Variants in ERG observed in about 807,000 individuals in gnomAD.
The protein encoded by ERG is transcriptional regulator ERG.
Under a neutral mutation model 55.3 loss-of-function variants are expected in ERG, and 9 were observed. The observed-to-expected ratio is 0.16, with a 90% confidence interval of 0.10 to 0.28. The LOEUF is 0.28. Among genes scored for constraint, ERG ranks in the 10% least tolerant of loss-of-function variants. The pLI is 1.00. For missense variants in ERG, 434 were observed against 631.6 expected (o/e 0.69, Z 3.35); for synonymous variants, 223 against 237.3 (o/e 0.94, Z 0.55).
intron 1 of ERG, among the ~76,000 whole-genome samples, chr21:38,606,286 G>A (rs1389418828): frequency 7.9e-5 from 12 of 152,180 alleles, no homozygotes; most frequent in African/African-American, 2.4e-4. Flanking sequence ...ATGATTAGAT[G>A]TATAGATAGA....
intron 1 of ERG, chr21:38,472,141 C>T (rs1466331997): frequency 6.6e-6 from 1 of 151,878 alleles, no homozygotes; most frequent in Non-Finnish European, 1.5e-5. Flanking sequence ...TTTCCCAGAA[C>T]CTAGAACAAC....
intron 1 of ERG, among the ~76,000 whole-genome samples, chr21:38,594,660 TA>T (rs1190320002): frequency 6.6e-6 from 1 of 152,086 alleles, no homozygotes; most frequent in Non-Finnish European, 1.5e-5. Context: ...GAGAGGAAAA[TA>T]GGGCATTTCA....
At chr21:38,481,829 T>G (rs931133661) in intron 1 of ERG, among the ~76,000 whole-genome samples, 2 of 152,142 alleles carry the variant, frequency 1.3e-5, no homozygotes, top group Non-Finnish European at 2.9e-5. Flanking sequence ...GAGGTGACTG[T>G]AGTAACAAAA....
chr21:38,631,557 C>T (rs1011840406), intron 1 of ERG, among the ~76,000 whole-genome samples: 4 of 152,254 alleles, frequency 2.6e-5, no homozygotes, highest in Admixed American at 2.6e-4. Context: ...TAAGGGATGG[C>T]GTGGTCCCAA....
intron 1 of ERG, among the ~76,000 whole-genome samples, chr21:38,640,381 A>G (rs1423078716): frequency 1.3e-5 from 2 of 152,174 alleles, no homozygotes; most frequent in Admixed American, 6.5e-5. Context: ...ATTCTCATCT[A>G]CCTTAGGAGA....
At chr21:38,595,982 C>T (rs2836548) in intron 1 of ERG, among the ~76,000 whole-genome samples, 5,167 of 150,322 alleles carry the variant, frequency 0.034, 289 homozygotes, top group African/African-American at 0.12. Context: ...CTTTGCTGGC[C>T]TAGCCTTCTG....
chr21:38,628,561 G>A (rs766992946), intron 1 of ERG, among the ~76,000 whole-genome samples: 7 of 152,306 alleles, frequency 4.6e-5, no homozygotes, highest in Middle Eastern at 3.4e-3. Context: ...GCTACTGCGT[G>A]GAGAAAAGAG....
upstream of ERG, among the ~76,000 whole-genome samples, chr21:38,502,237 C>T (rs910990980): frequency 4.6e-5 from 7 of 152,176 alleles, no homozygotes; most frequent in Admixed American, 3.9e-4. Flanking sequence ...AAAATGATGT[C>T]GTAGATGAAC....
At position 38,382,628 on chromosome 21, in the gene ERG, A is replaced by G; in HGVS notation, c.*775T>C. ...CACAGTCCCCAAATGTCCTGAGTCC[A>G]GTCTTCATTGCTTGAGAAGTTTCTT... On this transcript the variant is annotated 3_prime_UTR_variant, in exon 10 of 10. Transcript: ENST00000288319. 1 of 1,066,550 alleles carries G rather than the reference A, an allele frequency of 9.4e-7. No homozygotes were observed. The highest frequency in any genetic ancestry group is 1.1e-6 in the Non-Finnish European group (1 of 879,812). The allele number at this position is 1,066,550 out of a possible 1,614,324, so 66.1% of individuals were successfully genotyped here.
chr21:38,447,054 C>T (rs780514418), intron 1 of ERG, among the ~76,000 whole-genome samples: 6 of 152,050 alleles, frequency 3.9e-5, no homozygotes, highest in Admixed American at 2.6e-4. Context: ...AGATGGAGAG[C>T]TTCCTCTCCA....
At chr21:38,390,672 C>T (rs796133421) in intron 9 of ERG, among the ~76,000 whole-genome samples, 1 of 152,194 alleles carries the variant, frequency 6.6e-6, no homozygotes, top group African/African-American at 2.4e-5. Flanking sequence ...AACCTGCCAC[C>T]ATGACACTCT....
At chr21:38,578,532 A>G (rs2060008861) in intron 1 of ERG, among the ~76,000 whole-genome samples, 1 of 152,188 alleles carries the variant, frequency 6.6e-6, no homozygotes, top group African/African-American at 2.4e-5. Context: ...GACAGATCCT[A>G]GCTGAAGCCT....
intron 1 of ERG, among the ~76,000 whole-genome samples, chr21:38,622,885 T>C (rs1027904355): frequency 1.4e-5 from 2 of 145,056 alleles, no homozygotes; most frequent in African/African-American, 5.2e-5. Flanking sequence ...CATGATCATA[T>C]ATACCACACA....
rs367615583 is a variant in ERG at position 38,498,403 on chromosome 21, G to A, written c.-23C>T. 2.2e-5 allele frequency: 35 copies of A among 1,595,576 alleles called. No homozygotes were observed. The highest frequency in any genetic ancestry group is 1.4e-4 in the South Asian group (12 of 88,100). On this transcript the variant is annotated 5_prime_UTR_variant, in exon 1 of 10. In the 5' UTR this introduces an upstream ATG that the reference lacks. Coordinates refer to ENST00000288319, the MANE Select transcript of ERG (RefSeq NM_182918.4). This position sits in a 1 kb window ranked among gnomAD's most constrained non-coding sequence, Gnocchi z 4.6. ...CATAATGCGATCAAGTTTATTGATC[G>A]TTAATAAATGTTAATAATAATTATT... is the stretch of plus-strand genomic sequence containing the variant.
intron 1 of ERG, among the ~76,000 whole-genome samples, chr21:38,473,123 C>T (rs1013759297): frequency 5.2e-4 from 50 of 95,346 alleles, no homozygotes; most frequent in Non-Finnish European, 1.6e-4. Flanking sequence ...AAACCGTCTA[C>T]AAATACATAC....
intron 1 of ERG, among the ~76,000 whole-genome samples, chr21:38,611,704 G>A (rs2060228304): frequency 6.6e-6 from 1 of 152,130 alleles, no homozygotes; most frequent in Non-Finnish European, 1.5e-5. Flanking sequence ...CACCACAGCA[G>A]GCCTTTGCTC....
At chr21:38,501,306 A>G (rs1260337959), upstream of ERG, among the ~76,000 whole-genome samples, 1 of 151,726 alleles carries the variant, frequency 6.6e-6, no homozygotes, top group East Asian at 1.9e-4. Flanking sequence ...TGACTTCATG[A>G]TCCACCCGCC....
intron 2 of ERG, among the ~76,000 whole-genome samples, chr21:38,563,843 A>G (rs1042079645): frequency 6.6e-6 from 1 of 152,234 alleles, no homozygotes; most frequent in African/African-American, 2.4e-5. Flanking sequence ...AATGGCAAGG[A>G]GACAAATAGC....
intron 2 of ERG, among the ~76,000 whole-genome samples, chr21:38,537,581 C>T (rs2059720542): frequency 1.3e-5 from 2 of 152,090 alleles, no homozygotes. Flanking sequence ...TTATGCTCAA[C>T]ATCACTAATC....
Sources: gnomAD v4.1 joint callset for allele counts (sites outside exome capture counted in the v4.1 genomes callset) on GRCh38, gnomAD v4.1.1 for gene constraint, Gnocchi (gnomAD v3.1) non-coding constraint, MANE v1.5 for transcripts, NCBI Gene and HGNC (gene_info 2026-07-23, HGNC 2026-07-21) for gene names.